The following PABPC1L variants were observed in gnomAD, a reference collection of about 807,000 sequenced individuals.
PABPC1L encodes the protein polyadenylate-binding protein 1-like.
PABPC1L carries 31 observed loss-of-function variants against 66.6 expected under a neutral mutation model. The ratio of observed to expected loss-of-function variants is 0.47; its 90% confidence interval spans 0.35 to 0.63. The LOEUF is 0.63. Ranked by LOEUF, PABPC1L falls within the 20% of genes least tolerant of loss-of-function variation. The pLI is 0.00. For synonymous variants in PABPC1L, 348 were observed against 335.1 expected (o/e 1.04, Z -0.42); for missense variants, 722 against 848.8 (o/e 0.85, Z 1.86).
chr20:44,912,805 G>A lies in PABPC1L; in HGVS notation c.339G>A (p.Lys113=), dbSNP rs200099831. 1.0e-4 allele frequency: 166 copies of A among 1,614,010 alleles called. No homozygotes were observed. Among genetic ancestry groups the A allele is most frequent in the Non-Finnish European group, 1.3e-4 (157 of 1,180,020 alleles). Residue 113 remains lysine (K), a synonymous_variant, in exon 2 of 15, where the codon AAG becomes AAA. Coordinates refer to ENST00000217073, the MANE Select transcript of PABPC1L (RefSeq NM_001372179.1). ...IKNLEDSIDN[K]ALYDTFSTFG... The stretch of plus-strand genomic sequence containing the variant: ...ACCTGGAGGACTCCATTGACAACAA[G>A]GCTTTATATGATACCTTCTCCACCT...
chr20:44,929,807 A>G (rs2066837611), intron 7 of PABPC1L, among the ~76,000 whole-genome samples: 1 of 152,056 alleles, frequency 6.6e-6, no homozygotes, highest in African/African-American at 2.4e-5. Flanking sequence ...AAAAAAAAAA[A>G]AAGATATATA....
intron 7 of PABPC1L, among the ~76,000 whole-genome samples, chr20:44,929,101 TA>T (rs906761225): frequency 2.1e-4 from 30 of 145,192 alleles, no homozygotes; most frequent in Non-Finnish European, 2.1e-4. Context: ...TCTACAAACT[TA>T]AAAAAAAAAA....
chr20:44,929,069 G>A (rs1429099570), intron 7 of PABPC1L, among the ~76,000 whole-genome samples: 1 of 151,332 alleles, frequency 6.6e-6, no homozygotes, highest in Non-Finnish European at 1.5e-5. Flanking sequence ...GACCAGCCTG[G>A]GCAACATAGT....
At chr20:44,935,679 C>T (rs746038844) in intron 11 of PABPC1L, among the ~76,000 whole-genome samples, 182 bp downstream of exon 11, 13 of 152,112 alleles carry the variant, frequency 8.5e-5, no homozygotes, top group African/African-American at 2.4e-4. Flanking sequence ...GCCAGCATTA[C>T]GTTTTATTTA....
At position 44,912,692 on chromosome 20, in the gene PABPC1L, A is replaced by T. The variant is rs2066713239; in HGVS notation, c.226A>T (p.Met76Leu). 6.2e-7 allele frequency: 1 copy of T among 1,613,956 alleles called. No homozygotes were observed. The highest frequency in any genetic ancestry group is 8.5e-7 in the Non-Finnish European group (1 of 1,179,880). ...ERALDTMNFE[M>L]LKGQPIRIMW... Reference sequence around the variant, plus strand: ...GGCACTGGACACAATGAACTTTGAGATGCTCAAAGGCCAGCCTATTCGCAT... The same window carrying T: ...GGCACTGGACACAATGAACTTTGAGTTGCTCAAAGGCCAGCCTATTCGCAT... The change falls in exon 2 of 15, where the codon ATG becomes TTG. Residue 76 changes from methionine (M) to leucine (L), a missense_variant. This residue lies in a region of PABPC1L where 284 missense variants were observed against 294.8 expected (regional missense o/e 0.96). Transcript: ENST00000217073.
At chr20:44,931,066 T>TTCCCTC (rs1568650118) in intron 8 of PABPC1L, among the ~76,000 whole-genome samples, 2 of 23,440 alleles carry the variant, frequency 8.5e-5, no homozygotes, top group Non-Finnish European at 1.8e-4. Context: ...TTCCCTTCCC[T>TTCCCTC]CCCTCCCTCC....
At chr20:44,933,858 T>C (rs1312593608) in intron 10 of PABPC1L, among the ~76,000 whole-genome samples, 3 of 151,450 alleles carry the variant, frequency 2.0e-5, no homozygotes, top group African/African-American at 7.3e-5. Context: ...TCTAAGCGAT[T>C]CTCCTGCCTC....
intron 9 of PABPC1L, chr20:44,932,726 T>C (rs1052149601): frequency 1.6e-5 from 8 of 500,626 alleles, no homozygotes; most frequent in Non-Finnish European, 2.9e-5. Context: ...GAAATTCCTC[T>C]GGCTATATTG....
chr20:44,926,932 A>G (rs2066813572), intron 7 of PABPC1L, among the ~76,000 whole-genome samples: 2 of 152,154 alleles, frequency 1.3e-5, no homozygotes, highest in Non-Finnish European at 2.9e-5. Flanking sequence ...CTGGAGGGCC[A>G]TGATGTGATC....
At chr20:44,936,826 G>A in intron 12 of PABPC1L, 96 bp downstream of exon 12, 1 of 1,292,672 alleles carries the variant, frequency 7.7e-7, no homozygotes, top group South Asian at 1.3e-5. Flanking sequence ...CCAACGTGAG[G>A]TCAAATTCCA....
intron 1 of PABPC1L, among the ~76,000 whole-genome samples, chr20:44,911,801 AGGGTTTT>A (rs965429735): frequency 6.6e-6 from 1 of 152,188 alleles, no homozygotes; most frequent in Admixed American, 6.5e-5. Flanking sequence ...TGCAGAGAGA[AGGGTTTT>A]GCCCCAGGTA....
chr20:44,933,269 C>T (rs761090682), intron 10 of PABPC1L, 84 bp downstream of exon 10: 190 of 1,150,210 alleles, frequency 1.7e-4, no homozygotes, highest in Non-Finnish European at 2.3e-4. Context: ...GTGACCTTGC[C>T]ATATGCCCTC....
At chr20:44,935,049 C>T (rs1471850977) in intron 10 of PABPC1L, among the ~76,000 whole-genome samples, 1 of 147,832 alleles carries the variant, frequency 6.8e-6, no homozygotes, top group Admixed American at 6.8e-5. Context: ...GCCTGGGTGA[C>T]AGAGCAAGAC....
chr20:44,930,436 G>C, intron 7 of PABPC1L, 24 bp from the exon 8 acceptor site: 1 of 1,600,774 alleles, frequency 6.2e-7, no homozygotes, highest in Non-Finnish European at 8.5e-7. Context: ...CACCCCAGCA[G>C]CTCTTGTCTT....
intron 7 of PABPC1L, among the ~76,000 whole-genome samples, chr20:44,925,611 G>A (rs2066804297): frequency 6.6e-6 from 1 of 152,198 alleles, no homozygotes; most frequent in South Asian, 2.1e-4. Flanking sequence ...GGGTTCTGAG[G>A]AAGTGGTCTA....
In PABPC1L at chr20:44,910,091, CT is replaced by C; in HGVS notation, c.-52del. 6.8e-7 allele frequency: 1 copy of C among 1,467,668 alleles called. No individual in the cohort carries two copies. The highest frequency in any genetic ancestry group is 9.2e-7 in the Non-Finnish European group (1 of 1,087,918). The allele number at this position is 1,467,668 out of a possible 1,614,324, so 90.9% of individuals were successfully genotyped here. A position where few individuals can be genotyped will look rare whatever the true frequency, so the allele number is the denominator to read the frequency against. On this transcript the variant is annotated 5_prime_UTR_variant, in exon 1 of 15. Transcript: ENST00000217073. ...GGCTTCCGCCCGGGTGAGCGCGGGG[CT>C]GCTGGGTGACCCGGCTCCTGCTTGC...
At chr20:44,917,915 TG>T (rs2066748021) in intron 3 of PABPC1L, among the ~76,000 whole-genome samples, 1 of 152,260 alleles carries the variant, frequency 6.6e-6, no homozygotes, top group South Asian at 2.1e-4. Context: ...TTTTGGTGCC[TG>T]GTACAACTTT....
intron 12 of PABPC1L, among the ~76,000 whole-genome samples, chr20:44,937,681 C>T (rs781587089): frequency 3.9e-5 from 6 of 152,222 alleles, no homozygotes; most frequent in Non-Finnish European, 8.8e-5. Flanking sequence ...TCCCAAAGTA[C>T]TGTGATTACA....
intron 13 of PABPC1L, 124 bp downstream of exon 13, chr20:44,938,315 C>A: frequency 7.8e-7 from 1 of 1,284,870 alleles, no homozygotes. Flanking sequence ...TTGCTAATAC[C>A]TGAAGGCCTG....
Sources: allele counts gnomAD v4.1 joint callset (sites outside exome capture counted in the v4.1 genomes callset), GRCh38; gene constraint gnomAD v4.1.1; regional missense constraint gnomAD v4.1.1; transcripts MANE v1.5; gene names NCBI Gene and HGNC (gene_info 2026-07-23, HGNC 2026-07-21).